Variants in CKMT2 observed in about 807,000 individuals in gnomAD.
CKMT2 encodes the protein creatine kinase S-type, mitochondrial.
In CKMT2, 43 loss-of-function variants were observed where a neutral mutation model predicts 48.9. That is an observed-to-expected ratio of 0.88 (90% CI 0.69 to 1.13). The LOEUF is 1.13. Among genes scored for constraint, CKMT2 ranks in the 50% most tolerant of loss-of-function variants. CKMT2 has a pLI of 0.00. For synonymous variants in CKMT2, 206 were observed against 213.0 expected (o/e 0.97, Z 0.29); for missense variants, 472 against 555.4 (o/e 0.85, Z 1.51).
At chr5:81,257,541 A>C (rs893189992) in intron 6 of CKMT2, among the ~76,000 whole-genome samples, 192 bp from the exon 7 acceptor site, 1 of 152,186 alleles carries the variant, frequency 6.6e-6, no homozygotes, top group Non-Finnish European at 1.5e-5. Flanking sequence ...TTAGGGTGAG[A>C]GTTGGTCTTA....
chr5:81,246,214 C>T (rs1349762295), intron 1 of CKMT2, among the ~76,000 whole-genome samples: 1 of 151,406 alleles, frequency 6.6e-6, no homozygotes, highest in Admixed American at 6.6e-5. Context: ...CTGTAAATTT[C>T]CTCTGCACTA....
chr5:81,252,614 G>A, intron 2 of CKMT2, 81 bp from the exon 3 acceptor site: 2 of 1,442,640 alleles, frequency 1.4e-6, no homozygotes, highest in Non-Finnish European at 1.9e-6. Flanking sequence ...CCTAGTGGAA[G>A]GATGGGCAAA....
intron 3 of CKMT2, among the ~76,000 whole-genome samples, chr5:81,253,486 G>A (rs776019076): frequency 1.4e-4 from 21 of 152,146 alleles, no homozygotes; most frequent in Admixed American, 3.3e-4. Flanking sequence ...GCCACTATGC[G>A]TCCCCTCCAC....
chr5:81,243,484 T>G (rs909802294), intron 1 of CKMT2, among the ~76,000 whole-genome samples: 7 of 152,176 alleles, frequency 4.6e-5, no homozygotes, highest in African/African-American at 1.7e-4. Context: ...CAAACCAATA[T>G]TTTAAAAAGT....
At chr5:81,248,166 C>G (rs1756675362) in intron 1 of CKMT2, among the ~76,000 whole-genome samples, 1 of 152,162 alleles carries the variant, frequency 6.6e-6, no homozygotes, top group African/African-American at 2.4e-5. Context: ...GATTTATCAT[C>G]TCAGACACTG....
intron 8 of CKMT2, among the ~76,000 whole-genome samples, chr5:81,261,168 C>G (rs1757210617): frequency 6.6e-6 from 1 of 152,154 alleles, no homozygotes; most frequent in African/African-American, 2.4e-5. Context: ...ATTCAGCAGC[C>G]CTTCATGCTA....
chr5:81,257,141 AGTGTGTGT>A (rs3830407), intron 6 of CKMT2, 141 bp downstream of exon 6: 6,055 of 498,810 alleles, frequency 0.012, 158 homozygotes, highest in African/African-American at 0.075. Flanking sequence ...CTACTTGGAA[AGTGTGTGT>A]GTGTGTGTGT....
At chr5:81,240,353 C>T (rs901312993) in intron 1 of CKMT2, among the ~76,000 whole-genome samples, 2 of 152,238 alleles carry the variant, frequency 1.3e-5, no homozygotes, top group Non-Finnish European at 2.9e-5. Flanking sequence ...GGATCTGAGG[C>T]AGCTGGAACT....
intron 9 of CKMT2, among the ~76,000 whole-genome samples, chr5:81,263,915 T>A (rs1757313009): frequency 6.6e-6 from 1 of 152,218 alleles, no homozygotes; most frequent in African/African-American, 2.4e-5. Context: ...GGAGCTCTGT[T>A]ATGCTAAAGG....
In CKMT2 at chr5:81,254,396, G is replaced by T. The variant is rs1288870590; in HGVS notation, c.352G>T (p.Val118Leu). ...GAAACACCCATCTTCCCTCCTGCAGGTGTTTGCTGACCTTTTTGACCCCGT... is the reference window on the plus strand; with the variant it reads ...GAAACACCCATCTTCCCTCCTGCAGTTGTTTGCTGACCTTTTTGACCCCGT... ...MVAGDEESYE[V>L]FADLFDPVIK... The change falls in exon 4 of 10, where the codon GTG becomes TTG. Residue 118 changes from valine to leucine, a missense_variant and splice_region_variant. Val to Leu is a conservative substitution (Grantham distance 32). Transcript: ENST00000254035. 6.2e-7 allele frequency: 1 copy of T among 1,613,558 alleles called. No homozygotes were observed. Among genetic ancestry groups the T allele is most frequent in the African/African-American group, 1.3e-5 (1 of 74,896 alleles).
chr5:81,237,431 C>CT (rs1329786008), intron 1 of CKMT2: 1 of 152,100 alleles, frequency 6.6e-6, no homozygotes, highest in Non-Finnish European at 1.5e-5. Context: ...GTTCCTACAC[C>CT]TAGCGGGGCT....
chr5:81,265,539 G>T (rs1353230503), intron 9 of CKMT2, among the ~76,000 whole-genome samples: 1 of 152,166 alleles, frequency 6.6e-6, no homozygotes, highest in African/African-American at 2.4e-5. Context: ...TTAAGTAGAT[G>T]TGCTCTGGTT....
In CKMT2 at chr5:81,252,683, C is replaced by T. The variant is rs1278135485; in HGVS notation, c.153-12C>T. 1 of 1,613,768 alleles carries T rather than the reference C, an allele frequency of 6.2e-7. No individual in the cohort carries two copies. ...GGCTGCTGGCTGACAGCCTGCCCTCCTCCCCACACAGCGCAGACTACCCAG... is the reference window on the plus strand; with the variant it reads ...GGCTGCTGGCTGACAGCCTGCCCTCTTCCCCACACAGCGCAGACTACCCAG... On this transcript the variant is annotated splice_polypyrimidine_tract_variant and intron_variant, in intron 2 of 9. Coordinates refer to ENST00000254035, the MANE Select transcript of CKMT2 (RefSeq NM_001099735.2).
At chr5:81,249,052 CT>C (rs113783848) in intron 1 of CKMT2, among the ~76,000 whole-genome samples, 3,070 of 138,236 alleles carry the variant, frequency 0.022, 70 homozygotes, top group African/African-American at 0.065. Context: ...AATCCATGCT[CT>C]TTTTTTTTTT....
intron 1 of CKMT2, among the ~76,000 whole-genome samples, chr5:81,249,896 G>C (rs1232967177): frequency 6.6e-6 from 1 of 152,078 alleles, no homozygotes; most frequent in Non-Finnish European, 1.5e-5. Context: ...TTTTCTTTCT[G>C]ACTGCTCTTC....
At chr5:81,252,601 G>C (rs1214428451) in intron 2 of CKMT2, 94 bp from the exon 3 acceptor site, 2 of 1,283,014 alleles carry the variant, frequency 1.6e-6, no homozygotes, top group East Asian at 2.3e-5. Context: ...TGGCTGAAGG[G>C]AGCCTAGTGG....
chr5:81,252,588 C>A, intron 2 of CKMT2, 107 bp from the exon 3 acceptor site: 2 of 1,123,528 alleles, frequency 1.8e-6, no homozygotes, highest in East Asian at 2.4e-5. Context: ...TCCCTGTGCC[C>A]ACTGGCTGAA....
intron 1 of CKMT2, chr5:81,245,134 C>G (rs1046851784): frequency 4.6e-5 from 7 of 152,112 alleles, no homozygotes; most frequent in African/African-American, 1.7e-4. Flanking sequence ...TGATGTAGGT[C>G]CAAAGTATGC....
intron 4 of CKMT2, 102 bp from the exon 5 acceptor site, chr5:81,254,890 AG>A: frequency 1.1e-6 from 1 of 947,946 alleles, no homozygotes; most frequent in Admixed American, 1.9e-5. Flanking sequence ...ACAGTGCCTG[AG>A]GGTCCCCAGG....
Sources: allele counts gnomAD v4.1 joint callset (sites outside exome capture counted in the v4.1 genomes callset), GRCh38; gene constraint gnomAD v4.1.1; transcripts MANE v1.5; gene names NCBI Gene and HGNC (gene_info 2026-07-23, HGNC 2026-07-21).